The following RAB8B variants were observed in gnomAD, a reference collection of about 807,000 sequenced individuals.
RAB8B encodes ras-related protein Rab-8B.
A neutral mutation model predicts 32.0 loss-of-function variants in RAB8B; 11 were observed. The ratio of observed to expected loss-of-function variants is 0.34; its 90% CI spans 0.22 to 0.57. The LOEUF (loss-of-function observed/expected upper bound fraction) is 0.57, where lower values mean the gene tolerates loss of function less well. Ranked by LOEUF, RAB8B falls within the 20% of genes least tolerant of loss-of-function variation. The pLI, the probability that RAB8B is intolerant of heterozygous loss-of-function variation, is 0.86. For synonymous variants in RAB8B, 103 were observed against 89.6 expected (o/e 1.15, Z -0.85); for missense variants, 190 against 258.5 (o/e 0.73, Z 1.82).
intron 1 of RAB8B, among the ~76,000 whole-genome samples, chr15:63,220,736 G>A (rs546509479): frequency 6.6e-6 from 1 of 152,272 alleles, no homozygotes; most frequent in South Asian, 2.1e-4. Context: ...ATTGATCAGT[G>A]TCAAGAAATG....
At chr15:63,260,430 G>C (rs2038193304) in intron 6 of RAB8B, among the ~76,000 whole-genome samples, 1 of 152,196 alleles carries the variant, frequency 6.6e-6, no homozygotes, top group South Asian at 2.1e-4. Context: ...ATTTGAGGTA[G>C]ATTAAGCACA....
chr15:63,240,553 T>G (rs1262248703), intron 1 of RAB8B, among the ~76,000 whole-genome samples: 2 of 152,158 alleles, frequency 1.3e-5, no homozygotes, highest in African/African-American at 4.8e-5. Context: ...CCTCTTGTAG[T>G]GAAATTCTTA....
intron 1 of RAB8B, among the ~76,000 whole-genome samples, chr15:63,236,419 C>T (rs2037980856): frequency 6.6e-6 from 1 of 151,970 alleles, no homozygotes; most frequent in African/African-American, 2.4e-5. Flanking sequence ...ATGGAAATAC[C>T]TTTGGAATCT....
At chr15:63,199,951 T>C (rs1272502325) in intron 1 of RAB8B, among the ~76,000 whole-genome samples, 1 of 152,218 alleles carries the variant, frequency 6.6e-6, no homozygotes, top group Non-Finnish European at 1.5e-5. Flanking sequence ...ATTTACCGTT[T>C]TTTGTTCAAG....
chr15:63,229,042 G>A (rs1055168319), intron 1 of RAB8B, among the ~76,000 whole-genome samples: 1 of 152,040 alleles, frequency 6.6e-6, no homozygotes, highest in Non-Finnish European at 1.5e-5. Flanking sequence ...TTTATATTTT[G>A]CCACGTTTAT....
chr15:63,231,262 A>G (rs2037934245), intron 1 of RAB8B, among the ~76,000 whole-genome samples: 1 of 152,192 alleles, frequency 6.6e-6, no homozygotes, highest in South Asian at 2.1e-4. Flanking sequence ...ATGTAGTGTT[A>G]TTACTTAGTT....
chr15:63,239,418 T>G (rs1178600443), intron 1 of RAB8B, among the ~76,000 whole-genome samples: 1 of 149,790 alleles, frequency 6.7e-6, no homozygotes, highest in African/African-American at 2.5e-5. Flanking sequence ...AAGTTTTTTT[T>G]TTTTTTTTTT....
intron 1 of RAB8B, among the ~76,000 whole-genome samples, chr15:63,218,322 A>G (rs757979807): frequency 2.0e-5 from 3 of 152,218 alleles, no homozygotes; most frequent in Non-Finnish European, 4.4e-5. Flanking sequence ...TTCAGTACCT[A>G]TCACAGTGCC....
intron 5 of RAB8B, among the ~76,000 whole-genome samples, chr15:63,257,303 A>G (rs1244592928): frequency 2.0e-5 from 3 of 148,956 alleles, no homozygotes; most frequent in African/African-American, 7.5e-5. Flanking sequence ...TCTGTCTCCC[A>G]GGCTGGAGTG....
intron 1 of RAB8B, among the ~76,000 whole-genome samples, chr15:63,233,341 G>A (rs1197099130): frequency 2.0e-5 from 3 of 151,954 alleles, no homozygotes; most frequent in African/African-American, 7.2e-5. Flanking sequence ...TGGGATTACA[G>A]GCATTAGCCA....
In RAB8B at chr15:63,248,609, A is replaced by G. The variant is rs1567019659; in HGVS notation, c.186-1036A>G. ...CCTCTGAGCCTGTTTCCTCATCTGC[A>G]GAACTTGGATGCTGGTAACACCCCC... On this transcript the variant is annotated intron_variant, in intron 2 of 7. Transcript: ENST00000321437. This position sits in a 1 kb window ranked among gnomAD's most constrained non-coding sequence, Gnocchi z 4.4. Among the ~76,000 whole-genome samples the G allele has an allele frequency of 2.0e-5, 3 of 152,236 alleles. No individual in the cohort carries two copies.
chr15:63,242,119 A>G (rs2038037365), intron 1 of RAB8B, among the ~76,000 whole-genome samples: 1 of 151,086 alleles, frequency 6.6e-6, no homozygotes, highest in African/African-American at 2.4e-5. Context: ...TTAATAATTT[A>G]TGGTTGTTAG....
chr15:63,255,154 T>A lies in RAB8B; in HGVS notation c.247-353T>A, dbSNP rs144865666. On this transcript the variant is annotated intron_variant, in intron 3 of 7. Transcript: ENST00000321437. Reference sequence around the variant, plus strand: ...TAAACAAGTGCACAGTGGAAGTGATTAACTCTTACTCTCAATGTTATCGCT... The same window carrying A: ...TAAACAAGTGCACAGTGGAAGTGATAAACTCTTACTCTCAATGTTATCGCT... Among the ~76,000 whole-genome samples, 361 of 152,246 alleles carry A rather than the reference T, an allele frequency of 2.4e-3. 3 individuals carry two copies. Among genetic ancestry groups the A allele is most frequent in the African/African-American group, 8.4e-3 (351 of 41,564 alleles).
intron 3 of RAB8B, among the ~76,000 whole-genome samples, chr15:63,252,829 A>G (rs571585778): frequency 2.1e-4 from 32 of 151,090 alleles, no homozygotes; most frequent in African/African-American, 7.5e-4. Flanking sequence ...GCTCACTGCA[A>G]CCTCCACCTC....
intron 1 of RAB8B, among the ~76,000 whole-genome samples, chr15:63,211,065 C>T (rs1169142706): frequency 6.6e-6 from 1 of 152,180 alleles, no homozygotes; most frequent in East Asian, 1.9e-4. Flanking sequence ...AAAAGATAAA[C>T]AGCAGGGAAA....
At position 63,259,065 on chromosome 15, in the gene RAB8B, AC is replaced by A. The variant is rs2038180521; in HGVS notation, c.415-561del. ...GTGGGTATTTATCCCATATTAGAGA[AC>A]TAAAAGTACAAAAACAGAAAAAAAG... On this transcript the variant is annotated intron_variant, in intron 5 of 7. Coordinates refer to ENST00000321437, the MANE Select transcript of RAB8B (RefSeq NM_016530.3). The surrounding 1 kb of genome is among the most constrained non-coding windows in gnomAD (Gnocchi z 4.4). 6.6e-6 allele frequency among the ~76,000 whole-genome samples: 1 copy of A among 152,124 alleles called. No individual in the cohort carries two copies. Among genetic ancestry groups the A allele is most frequent in the African/African-American group, 2.4e-5 (1 of 41,432 alleles).
chr15:63,210,681 T>C (rs937671584), intron 1 of RAB8B, among the ~76,000 whole-genome samples: 3 of 152,024 alleles, frequency 2.0e-5, no homozygotes, highest in African/African-American at 4.8e-5. Context: ...CTGAAAGGAG[T>C]AGGAAGTATG....
chr15:63,194,402 G>A (rs1324315931), intron 1 of RAB8B, among the ~76,000 whole-genome samples: 3 of 152,168 alleles, frequency 2.0e-5, no homozygotes, highest in African/African-American at 4.8e-5. Flanking sequence ...GCCTTTATGT[G>A]AGGAAAGTTA....
Position 63,265,674 on chromosome 15 carries a change from G to A in RAB8B, c.*2055G>A, listed in dbSNP as rs1012027200. On this transcript the variant is annotated 3_prime_UTR_variant, in exon 8 of 8. Transcript: ENST00000321437. The surrounding 1 kb of genome is among the most constrained non-coding windows in gnomAD (Gnocchi z 4.9). ...ACCTCTGACTATTTGGTGTCTTAAC[G>A]CTTTGGTTTATATAATCTCAGGGGT... The A allele has an allele frequency of 6.6e-6, 1 of 152,276 alleles. No individual in the cohort carries two copies. Among genetic ancestry groups the A allele is most frequent in the Non-Finnish European group, 1.5e-5 (1 of 67,930 alleles). 9.4% of individuals were successfully genotyped at this position (152,276 alleles called of 1,614,324 possible). A position where few individuals can be genotyped will look rare whatever the true frequency, so the allele number is the denominator to read the frequency against.
Sources: allele counts gnomAD v4.1 joint callset (sites outside exome capture counted in the v4.1 genomes callset), GRCh38; gene constraint gnomAD v4.1.1; non-coding constraint Gnocchi (gnomAD v3.1); transcripts MANE v1.5; gene names NCBI Gene and HGNC (gene_info 2026-07-23, HGNC 2026-07-21).